Variants in WDR37 observed in about 807,000 individuals in gnomAD.
WDR37 encodes WD repeat-containing protein 37.
In WDR37, 19 loss-of-function variants were observed where a neutral mutation model predicts 62.9. The ratio of observed to expected loss-of-function variants is 0.30; its 90% confidence interval spans 0.21 to 0.44. The LOEUF (loss-of-function observed/expected upper bound fraction) is 0.44. Among genes scored for constraint, WDR37 ranks in the 20% least tolerant of loss-of-function variants. The probability of loss-of-function intolerance (pLI) is 1.00; values close to 1 mark genes in which losing one functional copy is unlikely to be tolerated. For synonymous variants in WDR37, 250 were observed against 260.9 expected, an observed-to-expected ratio of 0.96 and a Z score of 0.40; for missense variants, 474 against 657.6, an observed-to-expected ratio of 0.72 and a Z score of 3.05.
At chr10:1,061,037 C>A (rs562781698) in intron 1 of WDR37, among the ~76,000 whole-genome samples, 1 of 152,280 alleles carries the variant, frequency 6.6e-6, no homozygotes, top group East Asian at 1.9e-4. Context: ...CAGAACCTGT[C>A]CCCATCCTTA....
At chr10:1,094,448 G>A (rs982464375) in intron 8 of WDR37, among the ~76,000 whole-genome samples, 1 of 152,222 alleles carries the variant, frequency 6.6e-6, no homozygotes, top group Non-Finnish European at 1.5e-5. Flanking sequence ...CGAGTCATGC[G>A]GTTTGGTTGG....
intron 9 of WDR37, 179 bp downstream of exon 9, chr10:1,096,425 AGTGAGGTTGC>A: frequency 1.5e-6 from 1 of 653,960 alleles, no homozygotes; most frequent in Admixed American, 2.5e-5. Context: ...GTTAAGGTTC[AGTGAGGTTGC>A]GTGAGGTCCT....
chr10:1,093,463 A>G lies in WDR37; in HGVS notation c.616A>G (p.Lys206Glu). Residue 206 changes from lysine to glutamate, a missense_variant, in exon 8 of 14, where the codon AAA (lysine) becomes GAA (glutamate). Transcript: ENST00000263150. ...TTTTTATTTTGCAGTAAATTCTATC[A>G]AATTTCATCCCTCAGAGCAGTTGGC... ...AGHVGSVNSIKFHPSEQLALT... is the reference protein window; with the variant it reads ...AGHVGSVNSIEFHPSEQLALT... 6.2e-7 allele frequency: 1 copy of G among 1,608,296 alleles called. No homozygotes were observed. The highest frequency in any genetic ancestry group is 8.5e-7 in the Non-Finnish European group (1 of 1,178,316).
intron 7 of WDR37, among the ~76,000 whole-genome samples, chr10:1,092,179 CAAAAAAAAAA>C (rs1216415362): frequency 1.5e-5 from 1 of 68,852 alleles, no homozygotes; most frequent in Non-Finnish European, 2.8e-5. Context: ...GACTCCGTCT[CAAAAAAAAAA>C]AAAAAAAAAG....
At chr10:1,069,387 ATAT>A (rs1379424812) in intron 1 of WDR37, among the ~76,000 whole-genome samples, 10 of 30,438 alleles carry the variant, frequency 3.3e-4, no homozygotes, top group African/African-American at 1.6e-3. Context: ...ATATATATAT[ATAT>A]TTTTTTTTTT....
intron 6 of WDR37, among the ~76,000 whole-genome samples, chr10:1,084,836 T>C (rs939135715): frequency 6.6e-6 from 1 of 152,266 alleles, no homozygotes; most frequent in Non-Finnish European, 1.5e-5. Flanking sequence ...ATCTGCACCC[T>C]GTCTTTTCCA....
chr10:1,079,604 G>A (rs145244324), intron 3 of WDR37, among the ~76,000 whole-genome samples: 2 of 151,146 alleles, frequency 1.3e-5, no homozygotes, highest in African/African-American at 4.9e-5. Context: ...GCGTGATCTC[G>A]GCTCACTGCA....
At chr10:1,061,856 AC>A (rs1833381358) in intron 1 of WDR37, among the ~76,000 whole-genome samples, 1 of 147,746 alleles carries the variant, frequency 6.8e-6, no homozygotes, top group African/African-American at 2.5e-5. Context: ...AAAAAAAATT[AC>A]CTTCAGGCTA....
Position 1,103,960 on chromosome 10 carries a change from T to C in WDR37, c.961+124T>C. 3 of 899,194 alleles carry C rather than the reference T, an allele frequency of 3.3e-6. No homozygotes were observed. The highest frequency in any genetic ancestry group is 5.0e-6 in the Non-Finnish European group (3 of 600,592). The allele number at this position is 899,194 out of a possible 1,614,324, so 55.7% of individuals were successfully genotyped here. A position where few individuals can be genotyped will look rare whatever the true frequency, so the allele number is the denominator to read the frequency against. On this transcript the variant is annotated intron_variant, in intron 10 of 13. Transcript: ENST00000263150. This position sits in a 1 kb window ranked among gnomAD's most constrained non-coding sequence, Gnocchi z 6.3. ...AGTCTCTGTGTTCTTGGCTCTTCTGTGGTAATTTTTGGAGATTCTTTCTAT... is the reference window on the plus strand; with the variant it reads ...AGTCTCTGTGTTCTTGGCTCTTCTGCGGTAATTTTTGGAGATTCTTTCTAT...
In WDR37 at chr10:1,129,604, T is replaced by G. The variant is rs556475173; in HGVS notation, c.*260T>G. 10 of 389,294 alleles carry G rather than the reference T, an allele frequency of 2.6e-5. No individual in the cohort carries two copies. The highest frequency in any genetic ancestry group is 4.2e-5 in the Non-Finnish European group (9 of 213,906). 24.1% of individuals were successfully genotyped at this position (389,294 alleles called of 1,614,324 possible). On this transcript the variant is annotated 3_prime_UTR_variant, in exon 14 of 14. Coordinates refer to ENST00000263150, the MANE Select transcript of WDR37 (RefSeq NM_014023.4). Reference sequence around the variant, plus strand: ...CAAAGCTCACCTCCCATGTAGCACATGAAATGCTTGTGAGTTGTTGACATT... The same window carrying G: ...CAAAGCTCACCTCCCATGTAGCACAGGAAATGCTTGTGAGTTGTTGACATT...
chr10:1,123,312 T>G (rs1835644112), intron 11 of WDR37, among the ~76,000 whole-genome samples: 1 of 152,246 alleles, frequency 6.6e-6, no homozygotes, highest in African/African-American at 2.4e-5. Flanking sequence ...ATGTGTGTAC[T>G]TCAGTGGCAT....
At chr10:1,069,332 A>G (rs1447608323) in intron 1 of WDR37, among the ~76,000 whole-genome samples, 1 of 145,944 alleles carries the variant, frequency 6.9e-6, no homozygotes, top group Non-Finnish European at 1.5e-5. Flanking sequence ...ATTATTGTTC[A>G]TGGCAACTTT....
chr10:1,107,178 C>T (rs1211114126), intron 11 of WDR37, among the ~76,000 whole-genome samples: 2 of 152,202 alleles, frequency 1.3e-5, no homozygotes, highest in East Asian at 1.9e-4. Flanking sequence ...TGCTGCAGCT[C>T]GGGGAGCGCT....
rs369548385 is a variant in WDR37 at position 1,084,120 on chromosome 10, C to T, written c.397-283C>T. On this transcript the variant is annotated intron_variant, in intron 5 of 13. Transcript: ENST00000263150. ...GAGGACCTGAAACACCTAAATCCACCCTTCTGCAGTGAGACCTTCCATGCC... is the reference window on the plus strand; with the variant it reads ...GAGGACCTGAAACACCTAAATCCACTCTTCTGCAGTGAGACCTTCCATGCC... Among the ~76,000 whole-genome samples, 5 of 152,134 alleles carry T rather than the reference C, an allele frequency of 3.3e-5. No homozygotes were observed. In the East Asian group the frequency reaches 5.8e-4, roughly 18 times the overall value.
At chr10:1,108,037 C>A (rs1048615985) in intron 11 of WDR37, among the ~76,000 whole-genome samples, 2 of 152,258 alleles carry the variant, frequency 1.3e-5, no homozygotes, top group Admixed American at 1.3e-4. Flanking sequence ...ATAACACACA[C>A]TTGTATATTT....
chr10:1,104,974 C>A, intron 10 of WDR37, 152 bp from the exon 11 acceptor site: 2 of 913,344 alleles, frequency 2.2e-6, no homozygotes, highest in Non-Finnish European at 3.1e-6. Flanking sequence ...GGAAAACCTG[C>A]CCCACTGTGA....
At chr10:1,110,136 A>G (rs747116825) in intron 11 of WDR37, among the ~76,000 whole-genome samples, 1 of 152,160 alleles carries the variant, frequency 6.6e-6, no homozygotes, top group Non-Finnish European at 1.5e-5. Flanking sequence ...TTTTGAAAAG[A>G]TCTCTCTTTG....
rs570965191 is a variant in WDR37 at position 1,128,913 on chromosome 10, A to G, written c.1354-300A>G. Among the ~76,000 whole-genome samples, 6 of 143,330 alleles carry G rather than the reference A, an allele frequency of 4.2e-5. No homozygotes were observed. In the East Asian group the frequency reaches 1.2e-3, roughly 30 times the overall value. 94.0% of individuals were successfully genotyped at this position (143,330 alleles called of 152,430 possible). On this transcript the variant is annotated intron_variant, in intron 13 of 13. Transcript: ENST00000263150. Reference sequence around the variant, plus strand: ...CTCAGTGGTCCATGCTTGGTGGTCCATGCTCTATGGTCCATGGGGTGCTCG... The same window carrying G: ...CTCAGTGGTCCATGCTTGGTGGTCCGTGCTCTATGGTCCATGGGGTGCTCG...
At chr10:1,057,813 T>C (rs1833240120) in intron 1 of WDR37, among the ~76,000 whole-genome samples, 1 of 152,240 alleles carries the variant, frequency 6.6e-6, no homozygotes, top group Non-Finnish European at 1.5e-5. Context: ...AAAGTGTTAA[T>C]TGCTTGGAAG....
Sources: gnomAD v4.1 joint callset for allele counts (sites outside exome capture counted in the v4.1 genomes callset) on GRCh38, gnomAD v4.1.1 for gene constraint, Gnocchi (gnomAD v3.1) non-coding constraint, MANE v1.5 for transcripts, NCBI Gene and HGNC (gene_info 2026-07-23, HGNC 2026-07-21) for gene names.